LRRTM4: variants seen among roughly 807,000 people sequenced by gnomAD.
LRRTM4 encodes leucine rich repeat transmembrane neuronal 4, also known as leucine-rich repeat transmembrane neuronal protein 4.
LRRTM4 carries 25 observed loss-of-function variants against 47.6 expected under a neutral mutation model. That is an observed-to-expected ratio of 0.53 (90% confidence interval 0.38 to 0.73). LRRTM4 has a LOEUF of 0.73. LRRTM4 is among the 30% of genes least tolerant of loss of function. LRRTM4 has a pLI of 0.00. For synonymous variants in LRRTM4, 311 were observed against 269.5 expected, an observed-to-expected ratio of 1.15 and a Z score of -1.51; for missense variants, 638 against 713.4, an observed-to-expected ratio of 0.89 and a Z score of 1.20.
intron 3 of LRRTM4, among the ~76,000 whole-genome samples, chr2:77,425,720 G>C (rs1301943490): frequency 6.6e-6 from 1 of 152,006 alleles, no homozygotes; most frequent in East Asian, 1.9e-4. Context: ...AAGTCTTTTG[G>C]ATATCTCAAA....
intron 3 of LRRTM4, among the ~76,000 whole-genome samples, chr2:77,315,154 A>G (rs1399388735): frequency 2.0e-5 from 3 of 152,212 alleles, no homozygotes; most frequent in Non-Finnish European, 4.4e-5. Flanking sequence ...AAGAATAATA[A>G]TAATATGTTA....
intron 3 of LRRTM4, among the ~76,000 whole-genome samples, chr2:77,357,722 T>A (rs1393276985): frequency 6.6e-6 from 1 of 152,222 alleles, no homozygotes; most frequent in East Asian, 1.9e-4. Context: ...CTTACTTTAT[T>A]AAATGACTTT....
At chr2:77,245,622 A>G (rs561266240) in intron 3 of LRRTM4, among the ~76,000 whole-genome samples, 18 of 102,606 alleles carry the variant, frequency 1.8e-4, no homozygotes, top group South Asian at 5.6e-4. Flanking sequence ...CACTTTAAAC[A>G]CTTTTTTTTT....
intron 3 of LRRTM4, among the ~76,000 whole-genome samples, chr2:77,365,483 A>G (rs1237019444): frequency 6.6e-6 from 1 of 151,992 alleles, no homozygotes; most frequent in Non-Finnish European, 1.5e-5. Context: ...ATAAAGGTAA[A>G]TAATCTAAGT....
intron 3 of LRRTM4, among the ~76,000 whole-genome samples, chr2:77,282,866 T>C (rs1268551517): frequency 6.6e-6 from 1 of 151,994 alleles, no homozygotes; most frequent in Non-Finnish European, 1.5e-5. Context: ...AAGATTTAAA[T>C]GTAAGACCTC....
chr2:77,468,442 T>C (rs1677063607), intron 3 of LRRTM4, among the ~76,000 whole-genome samples: 1 of 152,218 alleles, frequency 6.6e-6, no homozygotes, highest in South Asian at 2.1e-4. Context: ...TATAGCATGC[T>C]ATAAATTCAA....
At chr2:77,149,897 G>A (rs895482120) in intron 3 of LRRTM4, among the ~76,000 whole-genome samples, 1 of 152,062 alleles carries the variant, frequency 6.6e-6, no homozygotes, top group Admixed American at 6.6e-5. Context: ...GTTTTGCCCA[G>A]GAGCCCACAT....
chr2:76,916,401 AAAAAAAG>A (rs1392869418), intron 3 of LRRTM4, among the ~76,000 whole-genome samples: 5 of 148,132 alleles, frequency 3.4e-5, no homozygotes, highest in Admixed American at 1.3e-4. Context: ...AAAAAAAAAA[AAAAAAAG>A]AAAAGAAAAA....
At chr2:77,111,816 G>A (rs1307874768) in intron 3 of LRRTM4, among the ~76,000 whole-genome samples, 5 of 152,066 alleles carry the variant, frequency 3.3e-5, no homozygotes, top group African/African-American at 9.7e-5. Context: ...AAAGGTGGAC[G>A]TTTTTGACTG....
At chr2:76,818,848 A>G (rs1670973992) in intron 3 of LRRTM4, among the ~76,000 whole-genome samples, 1 of 151,802 alleles carries the variant, frequency 6.6e-6, no homozygotes, top group Non-Finnish European at 1.5e-5. Context: ...CACATAAACT[A>G]CCTAAACTTT....
At chr2:76,957,739 C>A (rs574900800) in intron 3 of LRRTM4, among the ~76,000 whole-genome samples, 9 of 151,696 alleles carry the variant, frequency 5.9e-5, no homozygotes, top group African/African-American at 1.7e-4. Flanking sequence ...TTTCTATTAA[C>A]AGGGTGTAAA....
intron 3 of LRRTM4, among the ~76,000 whole-genome samples, chr2:77,041,362 G>A (rs1679026596): frequency 6.6e-6 from 1 of 151,484 alleles, no homozygotes; most frequent in East Asian, 1.9e-4. Context: ...TAAGTGAATA[G>A]TGTTGCAATA....
chr2:77,017,790 TTTGA>T (rs1441843778), intron 3 of LRRTM4, among the ~76,000 whole-genome samples: 2 of 143,560 alleles, frequency 1.4e-5, no homozygotes, highest in South Asian at 2.1e-4. Context: ...CCTAACTTTA[TTTGA>T]TTAATTTAGC....
intron 3 of LRRTM4, among the ~76,000 whole-genome samples, chr2:76,801,287 G>T (rs1205838153): frequency 6.6e-6 from 1 of 151,952 alleles, no homozygotes; most frequent in Non-Finnish European, 1.5e-5. Flanking sequence ...ATGATAGACT[G>T]GATTAAGAAA....
At chr2:76,820,110 C>G (rs1671011684) in intron 3 of LRRTM4, among the ~76,000 whole-genome samples, 1 of 151,874 alleles carries the variant, frequency 6.6e-6, no homozygotes, top group Non-Finnish European at 1.5e-5. Context: ...CTTCAACTCC[C>G]ATTCTGTTTA....
At chr2:77,064,291 T>G (rs1473735922) in intron 3 of LRRTM4, among the ~76,000 whole-genome samples, 1 of 152,144 alleles carries the variant, frequency 6.6e-6, no homozygotes, top group South Asian at 2.1e-4. Context: ...AACAGTATGA[T>G]TATATATCAT....
intron 3 of LRRTM4, among the ~76,000 whole-genome samples, chr2:76,810,494 T>A (rs1403843679): frequency 6.6e-6 from 1 of 152,174 alleles, no homozygotes; most frequent in Non-Finnish European, 1.5e-5. Flanking sequence ...TGTTTTAGCA[T>A]ATTAGCTATT....
intron 3 of LRRTM4, among the ~76,000 whole-genome samples, chr2:77,262,643 A>G: frequency 6.6e-6 from 1 of 151,558 alleles, no homozygotes; most frequent in South Asian, 2.1e-4. Flanking sequence ...CTGATTGGGC[A>G]TTTTGTAAAA....
At chr2:77,442,574 T>C (rs1361751730) in intron 3 of LRRTM4, among the ~76,000 whole-genome samples, 2 of 152,224 alleles carry the variant, frequency 1.3e-5, no homozygotes, top group East Asian at 3.9e-4. Flanking sequence ...GCTCTTCTCC[T>C]ATCAATGTTG....
Sources: allele counts gnomAD v4.1 joint callset (sites outside exome capture counted in the v4.1 genomes callset), GRCh38; gene constraint gnomAD v4.1.1; transcripts MANE v1.5; gene names NCBI Gene and HGNC (gene_info 2026-07-23, HGNC 2026-07-21).